Variants in CLOCK observed in about 807,000 individuals in gnomAD.
CLOCK encodes the protein clock circadian regulator.
CLOCK carries 43 observed loss-of-function variants against 118.4 expected under a neutral mutation model. The observed-to-expected ratio is 0.36, with a 90% CI of 0.28 to 0.47. The LOEUF (loss-of-function observed/expected upper bound fraction) is 0.47. Ranked by LOEUF, CLOCK falls within the 20% of genes least tolerant of loss-of-function variation. The pLI is 1.00. For synonymous variants in CLOCK, 326 were observed against 339.2 expected (o/e 0.96, Z 0.43); for missense variants, 846 against 999.9 (o/e 0.85, Z 2.08).
chr4:55,499,334 C>T (rs929379638), intron 2 of CLOCK, among the ~76,000 whole-genome samples: 3 of 152,186 alleles, frequency 2.0e-5, no homozygotes, highest in Non-Finnish European at 4.4e-5. Flanking sequence ...CTTTTTGGCA[C>T]CAGCGACTGG....
chr4:55,434,534 T>C lies in CLOCK; in HGVS notation c.*881A>G, dbSNP rs1200780845. The stretch of plus-strand genomic sequence containing the variant: ...ATTTTCAAACATAATTGAAAAATAA[T>C]GAAATGAGGGATATTTCTGAATAAC... On this transcript the variant is annotated 3_prime_UTR_variant, in exon 23 of 23. Coordinates refer to ENST00000513440, the MANE Select transcript of CLOCK (RefSeq NM_004898.4). The C allele has an allele frequency of 6.6e-6, 1 of 152,270 alleles. No homozygotes were observed. The highest frequency in any genetic ancestry group is 1.9e-4 in the East Asian group (1 of 5,186). 9.4% of individuals were successfully genotyped at this position (152,270 alleles called of 1,614,324 possible).
intron 1 of CLOCK, among the ~76,000 whole-genome samples, chr4:55,521,497 C>G (rs112155395): frequency 2.0e-5 from 3 of 152,324 alleles, no homozygotes; most frequent in African/African-American, 7.2e-5. Context: ...GGACTGCAGG[C>G]GTGCGTCAAC....
chr4:55,514,821 A>G (rs1232008818), intron 1 of CLOCK, among the ~76,000 whole-genome samples: 1 of 152,144 alleles, frequency 6.6e-6, no homozygotes, highest in Non-Finnish European at 1.5e-5. Flanking sequence ...TGTTCATAAG[A>G]GATATTGGTC....
At chr4:55,477,392 A>C (rs1203836159) in intron 6 of CLOCK, among the ~76,000 whole-genome samples, 1 of 152,098 alleles carries the variant, frequency 6.6e-6, no homozygotes, top group Non-Finnish European at 1.5e-5. Flanking sequence ...GTAAAATGTA[A>C]TAATAGTGGT....
rs79680573 is a variant in CLOCK at position 55,483,696 on chromosome 4, T to C, written c.-43-868A>G. On this transcript the variant is annotated intron_variant, in intron 3 of 22. Coordinates refer to ENST00000513440, the MANE Select transcript of CLOCK (RefSeq NM_004898.4). ...ATCGTATTTGAGAAACTAAGAGGTT[T>C]AGCATTTTCCTTATGAAAAACCTGG... 1.7e-3 allele frequency among the ~76,000 whole-genome samples: 262 copies of C among 152,346 alleles called. 3 individuals are homozygous for C. The East Asian group carries it at 0.04, about 23-fold the overall frequency.
Position 55,482,841 on chromosome 4 carries a change from G to C in CLOCK, c.-43-13C>G. 1 of 1,277,300 alleles carries C rather than the reference G, an allele frequency of 7.8e-7. No homozygotes were observed. Among genetic ancestry groups the C allele is most frequent in the Non-Finnish European group, 1.1e-6 (1 of 890,580 alleles). 79.1% of individuals were successfully genotyped at this position (1,277,300 alleles called of 1,614,324 possible). A position where few individuals can be genotyped will look rare whatever the true frequency, so the allele number is the denominator to read the frequency against. The stretch of plus-strand genomic sequence containing the variant: ...ATTTGTACTTCTCCTTAGGTGAAAA[G>C]AAAAATAAATGGTCATTAGTTTTCT... On this transcript the variant is annotated splice_polypyrimidine_tract_variant and intron_variant, in intron 3 of 22. Transcript: ENST00000513440.
At chr4:55,495,105 C>A (rs1228503998) in intron 2 of CLOCK, among the ~76,000 whole-genome samples, 1 of 152,076 alleles carries the variant, frequency 6.6e-6, no homozygotes, top group Non-Finnish European at 1.5e-5. Flanking sequence ...GCCCTCCATT[C>A]TTTTTACATC....
rs1480003388 is a variant in CLOCK, at chr4:55,458,973, T to C, written c.711A>G (p.Ile237Met). Residue 237 changes from isoleucine (I) to methionine (M), a missense_variant, in exon 11 of 23, where the codon ATA (isoleucine) becomes ATG (methionine). Transcript: ENST00000513440. ...SSAHNGFEGT[I>M]QRTHRPSYED... The stretch of plus-strand genomic sequence containing the variant: ...CATAAGATGGCCTATGTGTGCGTTG[T>C]ATAGTTCCTTCAAAACCATTGTGTG... 1.2e-6 allele frequency: 2 copies of C among 1,613,882 alleles called. No individual in the cohort carries two copies. The highest frequency in any genetic ancestry group is 1.7e-6 in the Non-Finnish European group (2 of 1,179,932).
intron 2 of CLOCK, among the ~76,000 whole-genome samples, chr4:55,496,256 T>C (rs1577797407): frequency 7.0e-6 from 1 of 142,578 alleles, no homozygotes; most frequent in East Asian, 2.4e-4. Context: ...CTTATTTATG[T>C]TGGGTCTTTA....
rs60471915 is a variant in CLOCK, at chr4:55,503,978, T to TAAAAAAAAAAA, written c.-136+5923_-136+5933dup. ...ACAGTTTCTATTTGGCAAAAAGAGGTAAAAAAAAAAAAAAAAAAAAAAAAA... is the reference window on the plus strand; with the variant it reads ...ACAGTTTCTATTTGGCAAAAAGAGGTAAAAAAAAAAAAAAAAAAAAAAAAAAAAAAAAAAAA... On this transcript the variant is annotated intron_variant, in intron 2 of 22. Transcript: ENST00000513440. Among the ~76,000 whole-genome samples, 32 of 71,140 alleles carry TAAAAAAAAAAA rather than the reference T, an allele frequency of 4.5e-4. 1 individual carries two copies. Among genetic ancestry groups the TAAAAAAAAAAA allele is most frequent in the East Asian group, 1.1e-3 (2 of 1,898 alleles). 46.7% of individuals were successfully genotyped at this position (71,140 alleles called of 152,430 possible).
intron 2 of CLOCK, among the ~76,000 whole-genome samples, chr4:55,497,184 G>A (rs1728138170): frequency 6.6e-6 from 1 of 152,194 alleles, no homozygotes; most frequent in Admixed American, 6.5e-5. Context: ...AGCTCTAGCA[G>A]AGAATGTTTC....
At chr4:55,443,431 C>T (rs565929083) in intron 20 of CLOCK, among the ~76,000 whole-genome samples, 11 of 148,298 alleles carry the variant, frequency 7.4e-5, no homozygotes, top group African/African-American at 2.5e-4. Flanking sequence ...TCTAAGGTCA[C>T]GCCATTGCAC....
At chr4:55,449,020 T>C (rs748232409) in intron 17 of CLOCK, 152 bp from the exon 18 acceptor site, 94 of 668,674 alleles carry the variant, frequency 1.4e-4, no homozygotes, top group Non-Finnish European at 2.0e-4. Flanking sequence ...CTCATCTATA[T>C]TGGAAAGGCC....
Position 55,449,510 on chromosome 4 carries a change from A to T in CLOCK, c.1349-14T>A. 6.3e-7 allele frequency: 1 copy of T among 1,589,254 alleles called. No individual in the cohort carries two copies. The highest frequency in any genetic ancestry group is 1.1e-5 in the South Asian group (1 of 90,542). On this transcript the variant is annotated splice_polypyrimidine_tract_variant and intron_variant, in intron 16 of 22. Coordinates refer to ENST00000513440, the MANE Select transcript of CLOCK (RefSeq NM_004898.4). ...TGGTTGGTGTTGCTGAAGTCAACAA[A>T]ATCAGAAGAGCATTAGTACTTTATA...
chr4:55,461,642 G>A (rs1160933075), intron 9 of CLOCK, among the ~76,000 whole-genome samples: 1 of 152,128 alleles, frequency 6.6e-6, no homozygotes, highest in East Asian at 1.9e-4. Flanking sequence ...AGCACAGCCT[G>A]AGTTGAGCCA....
At chr4:55,502,222 T>C (rs1339595639) in intron 2 of CLOCK, among the ~76,000 whole-genome samples, 2 of 152,178 alleles carry the variant, frequency 1.3e-5, no homozygotes, top group African/African-American at 4.8e-5. Context: ...GGACTGCTTA[T>C]AAGCTGAGTG....
At chr4:55,519,031 T>C (rs1470563094) in intron 1 of CLOCK, among the ~76,000 whole-genome samples, 1 of 152,202 alleles carries the variant, frequency 6.6e-6, no homozygotes. Flanking sequence ...CAGATGCTTA[T>C]TATTCAAGTC....
At chr4:55,512,600 C>T (rs1012664381) in intron 1 of CLOCK, among the ~76,000 whole-genome samples, 3 of 151,912 alleles carry the variant, frequency 2.0e-5, no homozygotes, top group Non-Finnish European at 2.9e-5. Context: ...TTTTCTAACA[C>T]GGAATACGTC....
At chr4:55,450,549 C>T (rs1724343318) in intron 15 of CLOCK, among the ~76,000 whole-genome samples, 1 of 152,152 alleles carries the variant, frequency 6.6e-6, no homozygotes, top group Non-Finnish European at 1.5e-5. Flanking sequence ...AGGCAGATCA[C>T]CTGAGGTCAG....
Sources: gnomAD v4.1 joint callset for allele counts (sites outside exome capture counted in the v4.1 genomes callset) on GRCh38, gnomAD v4.1.1 for gene constraint, MANE v1.5 for transcripts, NCBI Gene and HGNC (gene_info 2026-07-23, HGNC 2026-07-21) for gene names.